The following CYLD variants were observed in gnomAD, a reference collection of about 807,000 sequenced individuals.
CYLD encodes ubiquitin carboxyl-terminal hydrolase CYLD.
Under a neutral mutation model 104.5 loss-of-function variants are expected in CYLD, and 26 were observed. The ratio of observed to expected loss-of-function variants is 0.25; its 90% CI spans 0.18 to 0.35. The LOEUF (loss-of-function observed/expected upper bound fraction) is 0.35, where lower values mean the gene tolerates loss of function less well. CYLD is among the 10% of genes least tolerant of loss of function. The pLI, the probability that CYLD is intolerant of heterozygous loss-of-function variation, is 1.00. For synonymous variants in CYLD, 385 were observed against 399.9 expected, an observed-to-expected ratio of 0.96 and a Z score of 0.45; for missense variants, 703 against 1,136.1, an observed-to-expected ratio of 0.62 and a Z score of 5.48.
chr16:50,760,472 A>G (rs1301442054), intron 5 of CYLD, among the ~76,000 whole-genome samples: 1 of 152,066 alleles, frequency 6.6e-6, no homozygotes, highest in Non-Finnish European at 1.5e-5. Context: ...TGAATTTCTT[A>G]TATATCTTTC....
chr16:50,753,191 G>T (rs923329586), intron 4 of CYLD, among the ~76,000 whole-genome samples: 3 of 152,206 alleles, frequency 2.0e-5, no homozygotes, highest in Non-Finnish European at 4.4e-5. Flanking sequence ...CATGTGAAAA[G>T]TTAGAACCAG....
rs74757288 is a variant in CYLD at position 50,798,614 on chromosome 16, GA to G, written c.*2122del. The G allele has an allele frequency of 0.29, 56,900 of 197,322 alleles. 4,230 individuals carry two copies. The highest frequency in any genetic ancestry group is 0.37 in the African/African-American group (14,620 of 39,492). The allele number at this position is 197,322 out of a possible 1,614,324, so 12.2% of individuals were successfully genotyped here. On this transcript the variant is annotated 3_prime_UTR_variant, in exon 19 of 19. Transcript: ENST00000427738. ...TAGGTAAGACTGGATTTAACAGTTG[GA>G]AAAAAAAAAAAAAAAGGAGAGAGAA...
At position 50,792,660 on chromosome 16, in the gene CYLD, A is replaced by AC; in HGVS notation, c.2305_2306insC (p.Ile769ThrfsTer14). ...AAAAGACTTTAAACTATTTAAAAAA[A>AC]TTTTTCCTTCTCTGGAATTAAATAT... On this transcript the variant is annotated frameshift_variant, in exon 16 of 19. Coordinates refer to ENST00000427738, the MANE Select transcript of CYLD (RefSeq NM_001378743.1). LOFTEE classifies it high-confidence loss of function. 1.3e-6 allele frequency: 2 copies of AC among 1,596,046 alleles called. No individual in the cohort carries two copies. Among genetic ancestry groups the AC allele is most frequent in the Non-Finnish European group, 1.7e-6 (2 of 1,165,924 alleles).
At chr16:50,745,242 C>T (rs1966075057) in intron 2 of CYLD, among the ~76,000 whole-genome samples, 1 of 152,046 alleles carries the variant, frequency 6.6e-6, no homozygotes, top group Non-Finnish European at 1.5e-5. Flanking sequence ...TTGAATTTAG[C>T]TGTGCTTCTT....
At chr16:50,782,764 A>T (rs1970353742) in intron 11 of CYLD, among the ~76,000 whole-genome samples, 1 of 152,164 alleles carries the variant, frequency 6.6e-6, no homozygotes, top group Middle Eastern at 3.2e-3. Flanking sequence ...CTCAAACAAC[A>T]TAACTTGCAG....
At chr16:50,782,549 A>C in intron 11 of CYLD, 83 bp downstream of exon 11, 1 of 1,422,278 alleles carries the variant, frequency 7.0e-7, no homozygotes, top group Non-Finnish European at 9.8e-7. Context: ...TGTGCGTGTG[A>C]GTGTGTGTGA....
At chr16:50,792,463 G>T in intron 15 of CYLD, 134 bp from the exon 16 acceptor site, 2 of 653,732 alleles carry the variant, frequency 3.1e-6, no homozygotes, top group East Asian at 2.8e-5. Context: ...CCATGGTCAC[G>T]TGTGGATCCT....
chr16:50,750,175 C>T lies in CYLD; in HGVS notation c.477C>T (p.Ser159=), dbSNP rs557031108. Residue 159 remains serine, a synonymous_variant, in exon 3 of 19, where the codon TCC becomes TCT. Coordinates refer to ENST00000427738, the MANE Select transcript of CYLD (RefSeq NM_001378743.1). ...CCCTGTTAGCAGAGAGGACAGTCTC[C>T]GGAATATTCTTTGGAGTTGAATTGC... ...RGPLLAERTV[S]GIFFGVELLE... 22 of 1,613,838 alleles carry T rather than the reference C, an allele frequency of 1.4e-5. No homozygotes were observed. The highest frequency in any genetic ancestry group is 5.5e-5 in the South Asian group (5 of 91,052).
intron 5 of CYLD, among the ~76,000 whole-genome samples, chr16:50,757,843 T>C (rs1027313685): frequency 6.6e-6 from 1 of 152,236 alleles, no homozygotes; most frequent in African/African-American, 2.4e-5. Context: ...GCCTAGTTTT[T>C]CATGATTGTT....
At chr16:50,772,757 A>G (rs188776258) in intron 5 of CYLD, among the ~76,000 whole-genome samples, 2 of 151,740 alleles carry the variant, frequency 1.3e-5, no homozygotes, top group African/African-American at 2.4e-5. Flanking sequence ...AGACAGTAAT[A>G]CATGGCTTTC....
Position 50,793,596 on chromosome 16 carries a change from G to A in CYLD, c.2401G>A (p.Glu801Lys), listed in dbSNP as rs750592962. 6.2e-7 allele frequency: 1 copy of A among 1,613,982 alleles called. No homozygotes were observed. The highest frequency in any genetic ancestry group is 1.3e-5 in the African/African-American group (1 of 74,906). ...CGGLAMYECRECYDDPDISAG... is the reference protein window; with the variant it reads ...CGGLAMYECRKCYDDPDISAG... ...AGGGCTTGCAATGTATGAGTGTAGA[G>A]AATGCTACGACGATCCGGACATCTC... Residue 801 changes from glutamate to lysine, a missense_variant, in exon 17 of 19, where the codon GAA (glutamate) becomes AAA (lysine). By Grantham distance (56) the Glu-to-Lys change is moderately conservative. Coordinates refer to ENST00000427738, the MANE Select transcript of CYLD (RefSeq NM_001378743.1).
At chr16:50,759,294 A>G (rs2150935275) in intron 5 of CYLD, among the ~76,000 whole-genome samples, 1 of 152,314 alleles carries the variant, frequency 6.6e-6, no homozygotes, top group East Asian at 1.9e-4. Flanking sequence ...ATATAACAAC[A>G]TATATTAAGA....
intron 5 of CYLD, among the ~76,000 whole-genome samples, chr16:50,772,498 T>C (rs1008323527): frequency 9.2e-5 from 14 of 152,238 alleles, no homozygotes; most frequent in Non-Finnish European, 1.9e-4. Flanking sequence ...TTAGAGATTA[T>C]TTCATATTAG....
At chr16:50,783,308 A>G (rs9938976) in intron 11 of CYLD, among the ~76,000 whole-genome samples, 48,604 of 151,912 alleles carry the variant, frequency 0.32, 9,081 homozygotes, top group Non-Finnish European at 0.42. Flanking sequence ...AGACTGGGCT[A>G]AATTGAGAGT....
rs767180517 is a variant in CYLD at position 50,794,386 on chromosome 16, G to A, written c.2644G>A (p.Asp882Asn). Residue 882 changes from aspartate (D) to asparagine (N), a missense_variant, in exon 18 of 19, where the codon GAT (aspartate) becomes AAT (asparagine). Asp to Asn is a conservative substitution (Grantham distance 23). This residue lies in a region of CYLD where 130 missense variants were observed against 220.2 expected (regional missense o/e 0.59). Transcript: ENST00000427738. This position sits in a 1 kb window ranked among gnomAD's most constrained non-coding sequence, Gnocchi z 4.1. ...TGCTTTTGTGAAGTATGGGAAGGAC[G>A]ATTCTGCCTGGCTCTTCTTTGACAG... ...YVAFVKYGKD[D>N]SAWLFFDSMA... 5.6e-5 allele frequency: 90 copies of A among 1,614,058 alleles called. No homozygotes were observed. The highest frequency in any genetic ancestry group is 7.0e-5 in the Non-Finnish European group (83 of 1,180,034).
rs1316416117 is a variant in CYLD at position 50,751,621 on chromosome 16, A to C, written c.522A>C (p.Gln174His). 1.2e-6 allele frequency: 2 copies of C among 1,613,596 alleles called. No homozygotes were observed. The highest frequency in any genetic ancestry group is 2.7e-5 in the African/African-American group (2 of 74,882). ...GVELLEEGRGQGFTDGVYQGK... is the reference protein window; with the variant it reads ...GVELLEEGRGHGFTDGVYQGK... ...AAAACTAGGAAGAAGGTCGTGGTCA[A>C]GGTTTCACTGACGGGGTGTACCAAG... is the stretch of plus-strand genomic sequence containing the variant. Residue 174 changes from glutamine to histidine, a missense_variant, in exon 4 of 19, where the codon CAA becomes CAC. Around this residue, in one of 5 missense-constraint regions of CYLD, gnomAD observed 123 missense variants for 213.3 expected, o/e 0.58. Coordinates refer to ENST00000427738, the MANE Select transcript of CYLD (RefSeq NM_001378743.1).
chr16:50,742,408 C>CA (rs1965765256), intron 1 of CYLD: 1 of 178,640 alleles, frequency 5.6e-6, no homozygotes. Flanking sequence ...GGTTTCCCCC[C>CA]CCCACCGGGG....
At chr16:50,742,688 G>A (rs1000122348) in intron 1 of CYLD, 74 bp from the exon 2 acceptor site, 4 of 397,638 alleles carry the variant, frequency 1.0e-5, no homozygotes, top group African/African-American at 6.2e-5. Context: ...TTTTGCGGGT[G>A]TTGGTGGCTC....
At chr16:50,784,019 C>T in intron 11 of CYLD, 1 of 346,716 alleles carries the variant, frequency 2.9e-6, no homozygotes, top group Non-Finnish European at 5.6e-6. Context: ...GTCTCTCTAT[C>T]AACTTTTGCA....
Sources: gnomAD v4.1 joint callset for allele counts (sites outside exome capture counted in the v4.1 genomes callset) on GRCh38, gnomAD v4.1.1 for gene constraint, gnomAD v4.1.1 regional missense constraint, Gnocchi (gnomAD v3.1) non-coding constraint, MANE v1.5 for transcripts, NCBI Gene and HGNC (gene_info 2026-07-23, HGNC 2026-07-21) for gene names.